Variants in PRICKLE2 observed in about 807,000 individuals in gnomAD.
The protein encoded by PRICKLE2 is prickle-like protein 2.
PRICKLE2 carries 21 observed loss-of-function variants against 81.4 expected under a neutral mutation model. That is an observed-to-expected ratio of 0.26 (90% CI 0.18 to 0.37). The LOEUF (loss-of-function observed/expected upper bound fraction) is 0.37, where lower values mean the gene tolerates loss of function less well. Ranked by LOEUF, PRICKLE2 falls within the 10% of genes least tolerant of loss-of-function variation. PRICKLE2 has a pLI of 1.00. For missense variants in PRICKLE2, 940 were observed against 1,109.0 expected (o/e 0.85, Z 2.16); for synonymous variants, 456 against 421.5 (o/e 1.08, Z -1.00).
chr3:64,121,955 C>T (rs765510192), intron 7 of PRICKLE2, among the ~76,000 whole-genome samples: 4 of 152,176 alleles, frequency 2.6e-5, no homozygotes, highest in Non-Finnish European at 4.4e-5. Flanking sequence ...CAGAGACGCT[C>T]CAAGCTCCTC....
chr3:64,235,177 T>C (rs2079162440), intron 2 of PRICKLE2, among the ~76,000 whole-genome samples: 1 of 152,238 alleles, frequency 6.6e-6, no homozygotes, highest in Non-Finnish European at 1.5e-5. Context: ...AGTCAATTTT[T>C]CATTCCAGTT....
chr3:64,259,045 T>C (rs2079578193), intron 2 of PRICKLE2, among the ~76,000 whole-genome samples: 1 of 152,072 alleles, frequency 6.6e-6, no homozygotes, highest in Non-Finnish European at 1.5e-5. Context: ...AAGTTCACTC[T>C]CCTATATGGA....
upstream of PRICKLE2, among the ~76,000 whole-genome samples, chr3:64,228,138 A>G (rs1349308247): frequency 1.3e-5 from 2 of 151,592 alleles, no homozygotes; most frequent in Non-Finnish European, 3.0e-5. Flanking sequence ...ATTCATTCAT[A>G]TATCCATTCA....
chr3:64,137,674 C>T (rs1460175951), intron 7 of PRICKLE2, among the ~76,000 whole-genome samples: 1 of 152,102 alleles, frequency 6.6e-6, no homozygotes, highest in Non-Finnish European at 1.5e-5. Flanking sequence ...CCCTGTTGTC[C>T]CACCTTGCTC....
At chr3:64,148,282 A>G (rs971427595) in intron 6 of PRICKLE2, among the ~76,000 whole-genome samples, 1 of 152,310 alleles carries the variant, frequency 6.6e-6, no homozygotes, top group African/African-American at 2.4e-5. Flanking sequence ...TCCTATCCAC[A>G]CTAAATAGTG....
chr3:64,097,277 C>A lies in PRICKLE2; in HGVS notation c.*1774G>T, dbSNP rs980341831. On this transcript the variant is annotated 3_prime_UTR_variant, in exon 8 of 8. Transcript: ENST00000638394. ...CCTTTACAGCCTTCCTTTCCTCAGA[C>A]CCATCTGGGACGGGGTCTGAAATGC... 1 of 152,566 alleles carries A rather than the reference C, an allele frequency of 6.6e-6. No individual in the cohort carries two copies. Among genetic ancestry groups the A allele is most frequent in the Non-Finnish European group, 1.5e-5 (1 of 68,038 alleles). The allele number at this position is 152,566 out of a possible 1,614,324, so 9.5% of individuals were successfully genotyped here. A position where few individuals can be genotyped will look rare whatever the true frequency, so the allele number is the denominator to read the frequency against.
chr3:64,196,624 A>C (rs1168246002), intron 2 of PRICKLE2, among the ~76,000 whole-genome samples: 1 of 152,236 alleles, frequency 6.6e-6, no homozygotes, highest in Non-Finnish European at 1.5e-5. Flanking sequence ...CTTCCTGTTA[A>C]TAACCCAACA....
At position 64,097,755 on chromosome 3, in the gene PRICKLE2, A is replaced by T. The variant is rs1052237390; in HGVS notation, c.*1296T>A. ...CTGGTTACTAAGCTGGTTACACTGG[A>T]CTCTTTCTACAATCTCTGGGAGCTC... is the stretch of plus-strand genomic sequence containing the variant. On this transcript the variant is annotated 3_prime_UTR_variant, in exon 8 of 8. Coordinates refer to ENST00000638394, the MANE Select transcript of PRICKLE2 (RefSeq NM_198859.4). 28 of 151,988 alleles carry T rather than the reference A, an allele frequency of 1.8e-4. 1 individual carries two copies. Among genetic ancestry groups the T allele is most frequent in the Admixed American group, 1.5e-3 (23 of 15,236 alleles). The allele number at this position is 151,988 out of a possible 1,614,324, so 9.4% of individuals were successfully genotyped here. A position where few individuals can be genotyped will look rare whatever the true frequency, so the allele number is the denominator to read the frequency against.
At chr3:64,248,278 A>G (rs541825000) in intron 2 of PRICKLE2, among the ~76,000 whole-genome samples, 2 of 152,312 alleles carry the variant, frequency 1.3e-5, no homozygotes, top group South Asian at 4.1e-4. Flanking sequence ...ATTCATTTCA[A>G]GGAAAGCATT....
At chr3:64,216,989 G>A (rs906701331) in intron 1 of PRICKLE2, among the ~76,000 whole-genome samples, 9 of 152,192 alleles carry the variant, frequency 5.9e-5, no homozygotes, top group Non-Finnish European at 1.2e-4. Flanking sequence ...CTCAGGCAGC[G>A]ATTTAAATGA....
At position 64,098,237 on chromosome 3, in the gene PRICKLE2, C is replaced by A. The variant is rs1321058445; in HGVS notation, c.*814G>T. 6.6e-6 allele frequency: 1 copy of A among 152,408 alleles called. No homozygotes were observed. The highest frequency in any genetic ancestry group is 1.5e-5 in the Non-Finnish European group (1 of 68,024). 9.4% of individuals were successfully genotyped at this position (152,408 alleles called of 1,614,324 possible). A position where few individuals can be genotyped will look rare whatever the true frequency, so the allele number is the denominator to read the frequency against. ...CATTTCTCACAGAATTTTACTGACA[C>A]CGGTTGGTTTCTCTAATTGGCAAAA... On this transcript the variant is annotated 3_prime_UTR_variant, in exon 8 of 8. Coordinates refer to ENST00000638394, the MANE Select transcript of PRICKLE2 (RefSeq NM_198859.4).
At chr3:64,199,984 T>C (rs1271222190) in intron 1 of PRICKLE2, 1 of 152,216 alleles carries the variant, frequency 6.6e-6, no homozygotes, top group African/African-American at 2.4e-5. Flanking sequence ...TTTGTGAAGA[T>C]ACAATGTACA....
At chr3:64,237,140 T>G (rs572333049) in intron 2 of PRICKLE2, among the ~76,000 whole-genome samples, 2 of 152,040 alleles carry the variant, frequency 1.3e-5, no homozygotes, top group Non-Finnish European at 2.9e-5. Context: ...CCCGCAGCAG[T>G]GTCTAGGGAT....
intron 2 of PRICKLE2, among the ~76,000 whole-genome samples, chr3:64,164,690 T>C (rs1193055336): frequency 2.6e-5 from 4 of 152,190 alleles, no homozygotes; most frequent in African/African-American, 9.7e-5. Context: ...TAGCTAGATT[T>C]CCAAAGGCAG....
intron 2 of PRICKLE2, among the ~76,000 whole-genome samples, chr3:64,181,705 G>C (rs898242157): frequency 6.6e-6 from 1 of 152,136 alleles, no homozygotes; most frequent in African/African-American, 2.4e-5. Flanking sequence ...GTTAAGTGAA[G>C]GGAGCAAAGA....
At position 64,165,784 on chromosome 3, in the gene PRICKLE2, C is replaced by T. The variant is rs531355651; in HGVS notation, c.145-2655G>A. Reference sequence around the variant, plus strand: ...TTGGCCTTCCAAAGTGCTGGGATTACGGGTGTGAGCCACCCCATCAGGCCC... The same window carrying T: ...TTGGCCTTCCAAAGTGCTGGGATTATGGGTGTGAGCCACCCCATCAGGCCC... On this transcript the variant is annotated intron_variant, in intron 2 of 7. Transcript: ENST00000638394. 4.6e-5 allele frequency among the ~76,000 whole-genome samples: 7 copies of T among 152,278 alleles called. No homozygotes were observed. In the South Asian group the frequency reaches 1.2e-3, roughly 27 times the overall value.
At chr3:64,135,729 C>T (rs1243799119) in intron 7 of PRICKLE2, among the ~76,000 whole-genome samples, 2 of 152,000 alleles carry the variant, frequency 1.3e-5, no homozygotes, top group Admixed American at 1.3e-4. Context: ...CACACGCACA[C>T]ACACCTGCGT....
At chr3:64,167,808 G>T (rs931198811) in intron 2 of PRICKLE2, among the ~76,000 whole-genome samples, 1 of 152,170 alleles carries the variant, frequency 6.6e-6, no homozygotes, top group Non-Finnish European at 1.5e-5. Flanking sequence ...CACCTGGAAG[G>T]CCTGTTAAAA....
At chr3:64,238,580 G>A (rs773195905) in intron 2 of PRICKLE2, among the ~76,000 whole-genome samples, 1 of 152,122 alleles carries the variant, frequency 6.6e-6, no homozygotes, top group African/African-American at 2.4e-5. Flanking sequence ...ATCACCAAGA[G>A]AGCCAGTGTC....
Sources: allele counts gnomAD v4.1 joint callset (sites outside exome capture counted in the v4.1 genomes callset), GRCh38; gene constraint gnomAD v4.1.1; transcripts MANE v1.5; gene names NCBI Gene and HGNC (gene_info 2026-07-23, HGNC 2026-07-21).